Variants in ECT2L observed in about 807,000 individuals in gnomAD.
The protein encoded by ECT2L is epithelial cell-transforming sequence 2 oncogene-like.
In ECT2L, 126 loss-of-function variants were observed where a neutral mutation model predicts 122.8. That is an observed-to-expected ratio of 1.03 (90% CI 0.89 to 1.19). The LOEUF (loss-of-function observed/expected upper bound fraction) is 1.19. Among genes scored for constraint, ECT2L ranks in the 50% most tolerant of loss-of-function variants. The probability of loss-of-function intolerance (pLI) is 0.00; values close to 1 mark genes in which losing one functional copy is unlikely to be tolerated. For synonymous variants in ECT2L, 385 were observed against 381.8 expected (o/e 1.01, Z -0.10); for missense variants, 1,012 against 1,064.1 (o/e 0.95, Z 0.68).
intron 20 of ECT2L, among the ~76,000 whole-genome samples, chr6:138,898,684 C>T (rs1178516782): frequency 6.6e-6 from 1 of 152,074 alleles, no homozygotes; most frequent in Non-Finnish European, 1.5e-5. Flanking sequence ...AAATCAGAAG[C>T]AAATTAAAGC....
chr6:138,844,795 CT>C lies in ECT2L; in HGVS notation c.764+233del, dbSNP rs11398299. The stretch of plus-strand genomic sequence containing the variant: ...ATACAAAACTTACATTTTAAATGTT[CT>C]TTTTTTTTTTTTTTTTTGATATGAA... On this transcript the variant is annotated intron_variant, in intron 7 of 21. Transcript: ENST00000541398. 3.1e-3 allele frequency among the ~76,000 whole-genome samples: 389 copies of C among 126,624 alleles called. 1 individual carries two copies. The highest frequency in any genetic ancestry group is 9.6e-3 in the African/African-American group (319 of 33,356). 83.1% of individuals were successfully genotyped at this position (126,624 alleles called of 152,430 possible). A position where few individuals can be genotyped will look rare whatever the true frequency, so the allele number is the denominator to read the frequency against.
intron 7 of ECT2L, among the ~76,000 whole-genome samples, chr6:138,845,733 T>A (rs1031423281): frequency 6.6e-6 from 1 of 152,170 alleles, no homozygotes; most frequent in African/African-American, 2.4e-5. Context: ...TATCTGAACA[T>A]TTGTGAATGT....
chr6:138,850,941 C>T (rs186699225), intron 9 of ECT2L, among the ~76,000 whole-genome samples: 10 of 124,638 alleles, frequency 8.0e-5, no homozygotes, highest in Admixed American at 4.2e-4. Flanking sequence ...GCGGACGTCG[C>T]GGTGAGCCAA....
intron 10 of ECT2L, among the ~76,000 whole-genome samples, chr6:138,860,177 T>A (rs1272046858): frequency 6.6e-6 from 1 of 152,188 alleles, no homozygotes; most frequent in Non-Finnish European, 1.5e-5. Context: ...TGCTCTTGTA[T>A]AGATCATCTT....
chr6:138,801,582 T>C (rs76781601), intron 1 of ECT2L, among the ~76,000 whole-genome samples: 1 of 151,876 alleles, frequency 6.6e-6, no homozygotes, highest in Admixed American at 6.6e-5. Flanking sequence ...TGAAACCCCG[T>C]CTCTACTGAA....
chr6:138,833,556 C>T (rs2128384884), intron 4 of ECT2L, among the ~76,000 whole-genome samples: 1 of 152,148 alleles, frequency 6.6e-6, no homozygotes, highest in South Asian at 2.1e-4. Context: ...CTCCTTTTGG[C>T]CCCATTAAAA....
chr6:138,868,037 G>C, intron 12 of ECT2L, 66 bp from the exon 13 acceptor site: 2 of 914,860 alleles, frequency 2.2e-6, no homozygotes, highest in South Asian at 1.6e-5. Flanking sequence ...TGAGGACTGA[G>C]TTGTTGTTTT....
chr6:138,803,019 T>C (rs573172428), intron 1 of ECT2L, among the ~76,000 whole-genome samples: 1 of 151,300 alleles, frequency 6.6e-6, no homozygotes, highest in Non-Finnish European at 1.5e-5. Context: ...GACATTGCAG[T>C]GAGCCGAGAT....
At chr6:138,899,765 T>G (rs978839960) in intron 20 of ECT2L, among the ~76,000 whole-genome samples, 2 of 149,918 alleles carry the variant, frequency 1.3e-5, no homozygotes, top group Admixed American at 1.3e-4. Flanking sequence ...AAAACAATTA[T>G]GCTCTATTAA....
intron 18 of ECT2L, 132 bp downstream of exon 18, chr6:138,885,962 C>A: frequency 1.2e-6 from 1 of 853,194 alleles, no homozygotes. Flanking sequence ...CCTTTTAATG[C>A]TAAATCAATA....
Position 138,843,619 on chromosome 6 carries a change from T to C in ECT2L, c.595+388T>C, listed in dbSNP as rs1301022577. Among the ~76,000 whole-genome samples, 4 of 151,856 alleles carry C rather than the reference T, an allele frequency of 2.6e-5. No individual in the cohort carries two copies. In the East Asian group the frequency reaches 7.7e-4, roughly 29 times the overall value. ...GAAAATGGAAGCAGGGAAAATGGCA[T>C]TTAAAAAGGGAGAAAGAGGACAGCT... On this transcript the variant is annotated intron_variant, in intron 6 of 21. Transcript: ENST00000541398.
chr6:138,861,899 T>C (rs772634379), intron 10 of ECT2L, among the ~76,000 whole-genome samples: 2 of 152,162 alleles, frequency 1.3e-5, no homozygotes, highest in Admixed American at 1.3e-4. Flanking sequence ...AGTCAGACTA[T>C]TTTAGAAAAA....
chr6:138,866,411 C>T (rs553065197), intron 12 of ECT2L, among the ~76,000 whole-genome samples: 8 of 152,098 alleles, frequency 5.3e-5, no homozygotes, highest in East Asian at 3.9e-4. Flanking sequence ...TCACCACGCC[C>T]GGCTAATTTT....
intron 4 of ECT2L, among the ~76,000 whole-genome samples, chr6:138,837,748 A>AGTT (rs1776891120): frequency 6.6e-6 from 1 of 151,948 alleles, no homozygotes; most frequent in South Asian, 2.1e-4. Flanking sequence ...AAAAATCTTG[A>AGTT]GTTGTTTTAA....
chr6:138,874,604 T>C (rs1320597386), intron 13 of ECT2L, among the ~76,000 whole-genome samples: 1 of 152,174 alleles, frequency 6.6e-6, no homozygotes. Flanking sequence ...GGGGGGTCCA[T>C]GATGACACCT....
chr6:138,871,671 TG>T (rs1301512831), intron 13 of ECT2L, among the ~76,000 whole-genome samples: 1 of 151,974 alleles, frequency 6.6e-6, no homozygotes, highest in Non-Finnish European at 1.5e-5. Flanking sequence ...CCAGGCATGG[TG>T]GGGCACACCT....
At chr6:138,874,946 G>C (rs1482298630) in intron 13 of ECT2L, among the ~76,000 whole-genome samples, 3 of 152,172 alleles carry the variant, frequency 2.0e-5, no homozygotes, top group Admixed American at 6.5e-5. Context: ...AAATTAGCCA[G>C]GCATGGTGGC....
chr6:138,856,227 C>A (rs567658474), intron 10 of ECT2L, among the ~76,000 whole-genome samples: 1 of 117,498 alleles, frequency 8.5e-6, no homozygotes, highest in African/African-American at 3.4e-5. Context: ...CTCCCCCACC[C>A]CACCGCCCGA....
intron 1 of ECT2L, among the ~76,000 whole-genome samples, chr6:138,803,487 C>T (rs1216124996): frequency 6.6e-6 from 1 of 152,154 alleles, no homozygotes; most frequent in African/African-American, 2.4e-5. Flanking sequence ...AAATAAAAAT[C>T]CCATATGTTG....
Sources: allele counts gnomAD v4.1 joint callset (sites outside exome capture counted in the v4.1 genomes callset), GRCh38; gene constraint gnomAD v4.1.1; transcripts MANE v1.5; gene names NCBI Gene and HGNC (gene_info 2026-07-23, HGNC 2026-07-21).